The following SMPD3 variants were observed in gnomAD, a reference collection of about 807,000 sequenced individuals.
SMPD3 encodes the protein nSMase-2.
SMPD3 carries 21 observed loss-of-function variants against 55.7 expected under a neutral mutation model. That is an observed-to-expected ratio of 0.38 (90% CI 0.27 to 0.54). SMPD3 has a LOEUF of 0.54. Ranked by LOEUF, SMPD3 falls within the 20% of genes least tolerant of loss-of-function variation. The pLI is 0.80. For missense variants in SMPD3, 842 were observed against 899.6 expected, an observed-to-expected ratio of 0.94 and a Z score of 0.82; for synonymous variants, 457 against 404.3, an observed-to-expected ratio of 1.13 and a Z score of -1.56.
At chr16:68,406,055 C>T (rs1160147914) in intron 1 of SMPD3, among the ~76,000 whole-genome samples, 2 of 152,174 alleles carry the variant, frequency 1.3e-5, no homozygotes, top group South Asian at 2.1e-4. Flanking sequence ...GCAGGGCGGG[C>T]AGTTGAACCC....
chr16:68,370,792 C>G (rs935510515), intron 3 of SMPD3, 67 bp downstream of exon 3: 92 of 1,581,340 alleles, frequency 5.8e-5, no homozygotes, highest in Non-Finnish European at 7.6e-5. Context: ...CCCGCTGCAG[C>G]CCCCCTGCCT....
intron 1 of SMPD3, among the ~76,000 whole-genome samples, chr16:68,422,935 A>G (rs2090407114): frequency 6.6e-6 from 1 of 152,178 alleles, no homozygotes; most frequent in South Asian, 2.1e-4. Context: ...TTGAACACAT[A>G]TACAGCCCCA....
Position 68,361,674 on chromosome 16 carries a change from G to T in SMPD3, c.1795C>A (p.Leu599Met). 2 of 1,612,822 alleles carry T rather than the reference G, an allele frequency of 1.2e-6. No individual in the cohort carries two copies. ...TCGATGCGCCGGCCGTTGCCCTTCA[G>T]CAGCTCCTTCCGCCCCTTCTGGCCC... ...SSGQKGRKEL[L>M]KGNGRRIDYM... The change falls in exon 8 of 9, where the codon CTG becomes ATG. Residue 599 changes from leucine (L) to methionine (M), a missense_variant. Transcript: ENST00000219334.
At chr16:68,394,831 G>A (rs767529844) in intron 1 of SMPD3, among the ~76,000 whole-genome samples, 22 of 152,228 alleles carry the variant, frequency 1.4e-4, no homozygotes, top group Non-Finnish European at 2.4e-4. Context: ...AGGCCATCAG[G>A]CAGAGCTGGA....
intron 1 of SMPD3, among the ~76,000 whole-genome samples, chr16:68,388,443 C>A (rs532931114): frequency 2.0e-5 from 3 of 152,314 alleles, no homozygotes; most frequent in East Asian, 3.9e-4. Flanking sequence ...GGCTCACAAG[C>A]ATCTGGCATT....
chr16:68,375,344 G>A (rs2089784655), intron 2 of SMPD3, among the ~76,000 whole-genome samples: 1 of 152,172 alleles, frequency 6.6e-6, no homozygotes, highest in African/African-American at 2.4e-5. Flanking sequence ...GAAGGGCTGT[G>A]CAGGCTGAGC....
At chr16:68,390,770 C>A (rs1379720911) in intron 1 of SMPD3, among the ~76,000 whole-genome samples, 2 of 152,230 alleles carry the variant, frequency 1.3e-5, no homozygotes, top group Non-Finnish European at 2.9e-5. Flanking sequence ...CCGGTTCAAA[C>A]ACCTCTGACA....
intron 2 of SMPD3, among the ~76,000 whole-genome samples, chr16:68,378,348 G>A (rs960025705): frequency 6.6e-5 from 10 of 152,296 alleles, no homozygotes; most frequent in African/African-American, 2.4e-4. Flanking sequence ...AGGACAGAAA[G>A]ACAGAAGCGG....
intron 1 of SMPD3, among the ~76,000 whole-genome samples, chr16:68,441,417 T>C (rs767003879): frequency 9.2e-5 from 14 of 152,194 alleles, no homozygotes; most frequent in African/African-American, 1.2e-4. Flanking sequence ...AGTAGAAATA[T>C]AATGTGAGTT....
chr16:68,366,948 C>A (rs1415621364), intron 3 of SMPD3, among the ~76,000 whole-genome samples: 1 of 150,778 alleles, frequency 6.6e-6, no homozygotes, highest in Non-Finnish European at 1.5e-5. Flanking sequence ...GCGGAGGTCA[C>A]AGTGAGCCAA....
intron 1 of SMPD3, among the ~76,000 whole-genome samples, chr16:68,420,238 C>T (rs545065121): frequency 1.2e-4 from 19 of 152,168 alleles, no homozygotes; most frequent in South Asian, 6.2e-4. Flanking sequence ...CCACCATGCC[C>T]GGCCATTATT....
intron 1 of SMPD3, among the ~76,000 whole-genome samples, chr16:68,423,492 C>T (rs548446634): frequency 6.6e-6 from 1 of 152,290 alleles, no homozygotes; most frequent in Non-Finnish European, 1.5e-5. Context: ...TCTCCATCTT[C>T]TACCATATTA....
At chr16:68,433,305 C>T (rs2090495045) in intron 1 of SMPD3, among the ~76,000 whole-genome samples, 1 of 152,246 alleles carries the variant, frequency 6.6e-6, no homozygotes, top group African/African-American at 2.4e-5. Flanking sequence ...ATCCCTGCCT[C>T]ACACTCAATC....
intron 2 of SMPD3, among the ~76,000 whole-genome samples, chr16:68,385,687 C>T (rs1006735447): frequency 3.9e-5 from 6 of 152,162 alleles, no homozygotes; most frequent in African/African-American, 7.2e-5. Context: ...GTCTTGTTTT[C>T]GCTCCTAGTC....
intron 3 of SMPD3, among the ~76,000 whole-genome samples, chr16:68,365,514 G>T (rs1198901856): frequency 6.7e-6 from 1 of 148,664 alleles, no homozygotes; most frequent in Non-Finnish European, 1.5e-5. Context: ...TTCTCCCCCT[G>T]AAATCTCAGG....
chr16:68,388,613 C>T (rs1306217778), intron 1 of SMPD3, among the ~76,000 whole-genome samples: 1 of 152,072 alleles, frequency 6.6e-6, no homozygotes, highest in East Asian at 1.9e-4. Context: ...AACTGTCCCC[C>T]ACCAGCTGCA....
rs115477065 is a variant in SMPD3 at position 68,425,402 on chromosome 16, G to A, written c.-269+22951C>T. Among the ~76,000 whole-genome samples, 667 of 152,306 alleles carry A rather than the reference G, an allele frequency of 4.4e-3. 7 individuals carry two copies. Among genetic ancestry groups the A allele is most frequent in the African/African-American group, 0.015 (615 of 41,570 alleles). On this transcript the variant is annotated intron_variant, in intron 1 of 8. Transcript: ENST00000219334. Reference sequence around the variant, plus strand: ...CAAGAGGGTCTCCTCCAGCTGGATGGTTCCAAGGTTTCACATGAATAATCA... The same window carrying A: ...CAAGAGGGTCTCCTCCAGCTGGATGATTCCAAGGTTTCACATGAATAATCA...
Position 68,370,948 on chromosome 16 carries a change from G to A in SMPD3, c.1234C>T (p.Arg412Cys), listed in dbSNP as rs768688964. 10 of 1,613,992 alleles carry A rather than the reference G, an allele frequency of 6.2e-6. No individual in the cohort carries two copies. Among genetic ancestry groups the A allele is most frequent in the African/African-American group, 1.3e-5 (1 of 74,928 alleles). Residue 412 changes from arginine to cysteine, a missense_variant, in exon 3 of 9, where the codon CGC (arginine) becomes TGC (cysteine). By Grantham distance (180) the Arg-to-Cys change is radical (BLOSUM62 -3). Around this residue, in one of 2 missense-constraint regions of SMPD3, gnomAD observed 649 missense variants for 643.6 expected, o/e 1.01. Coordinates refer to ENST00000219334, the MANE Select transcript of SMPD3 (RefSeq NM_018667.4). ...CLNSGLLFAS[R>C]YPIMDVAYHC... is the part of the protein sequence containing the mutation. ...TAGGCCACGTCCATGATGGGGTAGCGGCTGGCAAAGAGGAGGCCGCTGTTG... is the reference window on the plus strand; with the variant it reads ...TAGGCCACGTCCATGATGGGGTAGCAGCTGGCAAAGAGGAGGCCGCTGTTG...
intron 2 of SMPD3, among the ~76,000 whole-genome samples, chr16:68,374,500 C>G (rs1231192094): frequency 6.6e-6 from 1 of 152,216 alleles, no homozygotes; most frequent in African/African-American, 2.4e-5. Context: ...TGCTGGGCCT[C>G]AGTGAAATCT....
Sources: gnomAD v4.1 joint callset for allele counts (sites outside exome capture counted in the v4.1 genomes callset) on GRCh38, gnomAD v4.1.1 for gene constraint, gnomAD v4.1.1 regional missense constraint, MANE v1.5 for transcripts, NCBI Gene and HGNC (gene_info 2026-07-23, HGNC 2026-07-21) for gene names.